SGSM1: variants seen among roughly 807,000 people sequenced by gnomAD.
SGSM1 encodes small G protein signaling modulator 1, also known as RUN and TBC1 domain containing 2.
A neutral mutation model predicts 133.8 loss-of-function variants in SGSM1; 73 were observed. The observed-to-expected ratio is 0.55, with a 90% CI of 0.45 to 0.66. The LOEUF is 0.66. Among genes scored for constraint, SGSM1 ranks in the 30% least tolerant of loss-of-function variants. The pLI is 0.00. For synonymous variants in SGSM1, 563 were observed against 573.0 expected, an observed-to-expected ratio of 0.98 and a Z score of 0.25; for missense variants, 1,213 against 1,448.1, an observed-to-expected ratio of 0.84 and a Z score of 2.64.
At chr22:24,906,140 A>T (rs529226313) in intron 21 of SGSM1, among the ~76,000 whole-genome samples, 1 of 152,364 alleles carries the variant, frequency 6.6e-6, no homozygotes, top group East Asian at 1.9e-4. Context: ...AATTCACTAC[A>T]TTACTAAAAT....
chr22:24,814,032 C>T (rs1055378336), intron 2 of SGSM1: 1 of 152,222 alleles, frequency 6.6e-6, no homozygotes, highest in Non-Finnish European at 1.5e-5. Flanking sequence ...GTCTCACTTT[C>T]CTGCTTTCTA....
intron 22 of SGSM1, 76 bp downstream of exon 22, chr22:24,912,828 C>A: frequency 1.1e-6 from 1 of 941,004 alleles, no homozygotes; most frequent in Non-Finnish European, 1.7e-6. Context: ...CCAGACTGAG[C>A]TATTTAGAGC....
At chr22:24,879,575 G>T (rs1422678190) in intron 14 of SGSM1, 49 bp downstream of exon 14, 1 of 1,567,476 alleles carries the variant, frequency 6.4e-7, no homozygotes, top group African/African-American at 1.3e-5. Flanking sequence ...GCAGCTATTG[G>T]TGCCTGCTGT....
In SGSM1 at chr22:24,913,316, A is replaced by G. The variant is rs1228031963; in HGVS notation, c.2928+564A>G. ...TCAAAAAAAAAAAAAAAAAAGAAAGAAAAAAAGAAGTGCAAATTACTGGGC... is the reference window on the plus strand; with the variant it reads ...TCAAAAAAAAAAAAAAAAAAGAAAGGAAAAAAGAAGTGCAAATTACTGGGC... On this transcript the variant is annotated intron_variant, in intron 22 of 24. Coordinates refer to ENST00000400358, the MANE Select transcript of SGSM1 (RefSeq NM_001098497.3). Among the ~76,000 whole-genome samples the G allele has an allele frequency of 5.9e-5, 9 of 151,556 alleles. No individual in the cohort carries two copies. In the East Asian group the frequency reaches 1.7e-3, roughly 29 times the overall value.
intron 9 of SGSM1, among the ~76,000 whole-genome samples, chr22:24,864,307 C>T (rs1931328087): frequency 6.6e-6 from 1 of 152,116 alleles, no homozygotes; most frequent in Non-Finnish European, 1.5e-5. Context: ...AGCAATTCTG[C>T]TCATAGGGAT....
chr22:24,865,185 A>G (rs1931377386), intron 9 of SGSM1, among the ~76,000 whole-genome samples: 4 of 152,208 alleles, frequency 2.6e-5, no homozygotes, highest in Admixed American at 2.6e-4. Flanking sequence ...TTCACTATGC[A>G]CTGTGAACAT....
intron 14 of SGSM1, among the ~76,000 whole-genome samples, 176 bp downstream of exon 14, chr22:24,879,702 T>C (rs1932222192): frequency 6.6e-6 from 1 of 152,218 alleles, no homozygotes; most frequent in South Asian, 2.1e-4. Flanking sequence ...TTTTCTTGTC[T>C]ACTGACGGGA....
chr22:24,809,105 T>C (rs1402909314), intron 2 of SGSM1, among the ~76,000 whole-genome samples: 10 of 152,200 alleles, frequency 6.6e-5, no homozygotes, highest in Admixed American at 6.5e-4. Context: ...CTATTCAACA[T>C]AGGTACCCTA....
Position 24,855,278 on chromosome 22 carries a change from C to A in SGSM1, c.524-7C>A. ...CAGTGGGTTTCCAGCCCCCACATGCCCCTCAGTGGGGCCCTGTGCCCTAGA... is the reference window on the plus strand; with the variant it reads ...CAGTGGGTTTCCAGCCCCCACATGCACCTCAGTGGGGCCCTGTGCCCTAGA... On this transcript the variant is annotated splice_region_variant and splice_polypyrimidine_tract_variant and intron_variant, in intron 6 of 24. Coordinates refer to ENST00000400358, the MANE Select transcript of SGSM1 (RefSeq NM_001098497.3). 1.9e-6 allele frequency: 3 copies of A among 1,607,590 alleles called. No homozygotes were observed. Among genetic ancestry groups the A allele is most frequent in the Non-Finnish European group, 2.5e-6 (3 of 1,176,926 alleles).
intron 14 of SGSM1, among the ~76,000 whole-genome samples, chr22:24,883,535 A>G (rs1932446492): frequency 6.6e-6 from 1 of 152,214 alleles, no homozygotes; most frequent in African/African-American, 2.4e-5. Flanking sequence ...GAGGCTGAGA[A>G]AGGTGATAAG....
At chr22:24,857,077 C>T (rs982517251) in intron 8 of SGSM1, among the ~76,000 whole-genome samples, 2 of 151,414 alleles carry the variant, frequency 1.3e-5, no homozygotes, top group Non-Finnish European at 2.9e-5. Context: ...TAAGATACAC[C>T]ATTTCTTAAC....
At position 24,810,255 on chromosome 22, in the gene SGSM1, A is replaced by G. The variant is rs144879714; in HGVS notation, c.63+3771A>G. On this transcript the variant is annotated intron_variant, in intron 2 of 24. Coordinates refer to ENST00000400358, the MANE Select transcript of SGSM1 (RefSeq NM_001098497.3). ...AGTGTGTGGGTTTCCGTTTATTCAT[A>G]ATGGGGATGAAAATGATTCAGCTGG... is the stretch of plus-strand genomic sequence containing the variant. 2.4e-3 allele frequency among the ~76,000 whole-genome samples: 359 copies of G among 152,104 alleles called. 3 individuals are homozygous for G. Among genetic ancestry groups the G allele is most frequent in the African/African-American group, 8.1e-3 (338 of 41,504 alleles).
intron 24 of SGSM1, among the ~76,000 whole-genome samples, chr22:24,921,703 CT>C (rs76823932): frequency 0.24 from 34,286 of 145,374 alleles, 4,350 homozygotes; most frequent in East Asian, 0.59. Context: ...ACATATGTAT[CT>C]TTTTTTTTTT....
At chr22:24,861,230 G>A (rs1453819597) in intron 9 of SGSM1, among the ~76,000 whole-genome samples, 1 of 150,714 alleles carries the variant, frequency 6.6e-6, no homozygotes, top group African/African-American at 2.4e-5. Context: ...GCGGGCACCT[G>A]TAATCCCAGC....
chr22:24,866,975 C>T, intron 9 of SGSM1, 118 bp from the exon 10 acceptor site: 1 of 897,734 alleles, frequency 1.1e-6, no homozygotes, highest in Non-Finnish European at 1.8e-6. Flanking sequence ...GACACAGATG[C>T]TGGGGACCTA....
At chr22:24,917,107 G>T (rs2103769) in intron 22 of SGSM1, among the ~76,000 whole-genome samples, 1 of 148,956 alleles carries the variant, frequency 6.7e-6, no homozygotes, top group Admixed American at 6.7e-5. Context: ...TGCCCAGGCT[G>T]GTCTCAAACT....
intron 22 of SGSM1, 25 bp from the exon 23 acceptor site, chr22:24,917,633 G>A (rs757752576): frequency 6.3e-7 from 1 of 1,594,918 alleles, no homozygotes; most frequent in Non-Finnish European, 8.6e-7. Flanking sequence ...CCAGGAGGCT[G>A]ATGCTGCCTT....
intron 12 of SGSM1, among the ~76,000 whole-genome samples, chr22:24,871,882 TGA>T (rs1931784505): frequency 6.6e-6 from 1 of 152,170 alleles, no homozygotes; most frequent in East Asian, 1.9e-4. Flanking sequence ...TTTCCATTTG[TGA>T]GAGGTTTCCA....
At chr22:24,923,230 G>C (rs1171309255) in intron 24 of SGSM1, among the ~76,000 whole-genome samples, 1 of 152,176 alleles carries the variant, frequency 6.6e-6, no homozygotes, top group African/African-American at 2.4e-5. Context: ...GCTCAACTTA[G>C]ATGGAGTATT....
Sources: gnomAD v4.1 joint callset for allele counts (sites outside exome capture counted in the v4.1 genomes callset) on GRCh38, gnomAD v4.1.1 for gene constraint, MANE v1.5 for transcripts, NCBI Gene and HGNC (gene_info 2026-07-23, HGNC 2026-07-21) for gene names.